HSD17B12: variants seen among roughly 807,000 people sequenced by gnomAD.
HSD17B12 encodes hydroxysteroid 17-beta dehydrogenase 12.
In HSD17B12, 32 loss-of-function variants were observed where a neutral mutation model predicts 39.3. The observed-to-expected ratio is 0.81, with a 90% CI of 0.61 to 1.09. HSD17B12 has a LOEUF of 1.09. HSD17B12 is among the 50% of genes least tolerant of loss of function. The pLI is 0.00. For missense variants in HSD17B12, 342 were observed against 382.9 expected, an observed-to-expected ratio of 0.89 and a Z score of 0.89; for synonymous variants, 150 against 146.7, an observed-to-expected ratio of 1.02 and a Z score of -0.16.
intron 1 of HSD17B12, among the ~76,000 whole-genome samples, chr11:43,744,243 T>C (rs1243547034): frequency 6.6e-6 from 1 of 152,120 alleles, no homozygotes; most frequent in Non-Finnish European, 1.5e-5. Context: ...AGATCATGAA[T>C]TTTAAGACCC....
At chr11:43,685,449 A>T (rs1036576272) in intron 1 of HSD17B12, among the ~76,000 whole-genome samples, 1 of 152,218 alleles carries the variant, frequency 6.6e-6, no homozygotes, top group Non-Finnish European at 1.5e-5. Context: ...ACATGATTTG[A>T]AGAATTATAT....
At chr11:43,720,645 A>T (rs537713953) in intron 1 of HSD17B12, among the ~76,000 whole-genome samples, 3 of 152,300 alleles carry the variant, frequency 2.0e-5, no homozygotes, top group African/African-American at 7.2e-5. Flanking sequence ...AATAGATTCC[A>T]TCTCTTGATG....
the HSD17B12 span, among the ~76,000 whole-genome samples, chr11:43,634,108 A>AAAAAAAAAAAC: frequency 1.5e-5 from 2 of 135,180 alleles, no homozygotes; most frequent in African/African-American, 2.8e-5. Flanking sequence ...AAAAAAAAAA[A>AAAAAAAAAAAC]AGAAAGACAC....
chr11:43,569,958 C>T, the HSD17B12 span: 1 of 152,784 alleles, frequency 6.5e-6, no homozygotes, highest in Non-Finnish European at 1.5e-5. Flanking sequence ...AGCTCCTTCT[C>T]TAAAGTGCCC....
In HSD17B12 at chr11:43,750,908, C is replaced by A; in HGVS notation, c.161-3C>A. On this transcript the variant is annotated splice_region_variant and splice_polypyrimidine_tract_variant and intron_variant, in intron 1 of 10. Coordinates refer to ENST00000278353, the MANE Select transcript of HSD17B12 (RefSeq NM_016142.3). ...TAAACTATTGCTTTTTTCCCTTTCC[C>A]AGTTGTCACAGGTAGTACTGATGGA... is the stretch of plus-strand genomic sequence containing the variant. The A allele has an allele frequency of 6.3e-7, 1 of 1,596,250 alleles. No homozygotes were observed. Among genetic ancestry groups the A allele is most frequent in the South Asian group, 1.1e-5 (1 of 88,244 alleles).
the HSD17B12 span, among the ~76,000 whole-genome samples, chr11:43,655,958 T>G: frequency 6.6e-6 from 1 of 152,214 alleles, no homozygotes; most frequent in Non-Finnish European, 1.5e-5. Context: ...TACTATTGAT[T>G]GGAATAGTTT....
At chr11:43,578,580 G>A in the HSD17B12 span, among the ~76,000 whole-genome samples, 1 of 152,178 alleles carries the variant, frequency 6.6e-6, no homozygotes, top group East Asian at 1.9e-4. Context: ...CCACCCCGCG[G>A]CCTCCTCGTC....
At chr11:43,802,010 G>A (rs1241975350) in intron 4 of HSD17B12, among the ~76,000 whole-genome samples, 1 of 151,284 alleles carries the variant, frequency 6.6e-6, no homozygotes, top group Non-Finnish European at 1.5e-5. Flanking sequence ...TTTTGAGACA[G>A]AGTCTCACTC....
the HSD17B12 span, chr11:43,559,756 G>A: frequency 2.0e-3 from 311 of 155,982 alleles, 2 homozygotes; most frequent in African/African-American, 7.0e-3. Flanking sequence ...CCCTTCACGC[G>A]ACGTTGGAGA....
At chr11:43,680,706 C>T, upstream of HSD17B12, 4 of 855,182 alleles carry the variant, frequency 4.7e-6, no homozygotes, top group Middle Eastern at 6.1e-4. Flanking sequence ...GGGGTTTAGG[C>T]CCAAAGTGGT....
intron 3 of HSD17B12, among the ~76,000 whole-genome samples, chr11:43,782,097 G>C (rs1346072323): frequency 6.6e-6 from 1 of 152,140 alleles, no homozygotes. Context: ...TATATCATTA[G>C]CATGAAACTT....
the HSD17B12 span, among the ~76,000 whole-genome samples, chr11:43,567,984 G>C: frequency 9.8e-4 from 149 of 152,310 alleles, 3 homozygotes; most frequent in African/African-American, 3.5e-3. Context: ...TGTGAGGTTG[G>C]AAGTGGCACT....
intron 9 of HSD17B12, among the ~76,000 whole-genome samples, chr11:43,847,851 T>G (rs768604092): frequency 3.9e-5 from 6 of 152,186 alleles, no homozygotes; most frequent in Non-Finnish European, 8.8e-5. Context: ...AGAATAGACT[T>G]GATTTGGGTT....
At chr11:43,659,561 T>G in the HSD17B12 span, among the ~76,000 whole-genome samples, 1 of 152,148 alleles carries the variant, frequency 6.6e-6, no homozygotes, top group Non-Finnish European at 1.5e-5. Context: ...CAAAAATTTC[T>G]TAGATAATAC....
chr11:43,598,961 A>T, the HSD17B12 span, among the ~76,000 whole-genome samples: 1 of 152,238 alleles, frequency 6.6e-6, no homozygotes, highest in East Asian at 1.9e-4. Flanking sequence ...ACATTTAAAA[A>T]TCTGAGTTTG....
At chr11:43,729,116 A>G (rs1300556252) in intron 1 of HSD17B12, among the ~76,000 whole-genome samples, 1 of 152,202 alleles carries the variant, frequency 6.6e-6, no homozygotes, top group African/African-American at 2.4e-5. Context: ...ATTCTGAAAA[A>G]CTAAAAGGGA....
chr11:43,579,859 G>A, the HSD17B12 span, among the ~76,000 whole-genome samples: 1 of 152,042 alleles, frequency 6.6e-6, no homozygotes, highest in African/African-American at 2.4e-5. Context: ...CGTGCTGGGC[G>A]AGGGTGGGAG....
At chr11:43,574,109 C>T in the HSD17B12 span, among the ~76,000 whole-genome samples, 5 of 152,234 alleles carry the variant, frequency 3.3e-5, no homozygotes, top group Non-Finnish European at 5.9e-5. Context: ...ACACAGCAGA[C>T]GTCCTCTGTC....
At chr11:43,817,361 G>A (rs545837726) in intron 6 of HSD17B12, among the ~76,000 whole-genome samples, 1 of 152,068 alleles carries the variant, frequency 6.6e-6, no homozygotes, top group African/African-American at 2.4e-5. Flanking sequence ...ATGAGTCCTA[G>A]CTATTTATCT....
Sources: allele counts gnomAD v4.1 joint callset (sites outside exome capture counted in the v4.1 genomes callset), GRCh38; gene constraint gnomAD v4.1.1; transcripts MANE v1.5; gene names NCBI Gene and HGNC (gene_info 2026-07-23, HGNC 2026-07-21).